The following RB1CC1 variants were observed in gnomAD, a reference collection of about 807,000 sequenced individuals.
The protein encoded by RB1CC1 is RB1-inducible coiled-coil protein 1.
A neutral mutation model predicts 177.5 loss-of-function variants in RB1CC1; 46 were observed. The observed-to-expected ratio is 0.26, with a 90% CI of 0.20 to 0.33. The LOEUF (loss-of-function observed/expected upper bound fraction) is 0.33, where lower values mean the gene tolerates loss of function less well. RB1CC1 is among the 10% of genes least tolerant of loss of function. The pLI is 1.00. For synonymous variants in RB1CC1, 666 were observed against 613.6 expected (o/e 1.09, Z -1.26); for missense variants, 1,703 against 1,816.3 (o/e 0.94, Z 1.13).
At chr8:52,667,486 T>A (rs1852167010) in intron 8 of RB1CC1, among the ~76,000 whole-genome samples, 1 of 152,134 alleles carries the variant, frequency 6.6e-6, no homozygotes, top group African/African-American at 2.4e-5. Flanking sequence ...GGACAGGCAA[T>A]CATGAATTTA....
At chr8:52,659,728 T>A (rs1381191148) in intron 12 of RB1CC1, among the ~76,000 whole-genome samples, 1 of 152,238 alleles carries the variant, frequency 6.6e-6, no homozygotes, top group Non-Finnish European at 1.5e-5. Flanking sequence ...CTGGGCGTGG[T>A]GGCTCACGCC....
rs192698473 is a variant in RB1CC1, at chr8:52,708,084, T to C, written c.-167+5991A>G. On this transcript the variant is annotated intron_variant, in intron 1 of 23. Coordinates refer to ENST00000025008, the MANE Select transcript of RB1CC1 (RefSeq NM_014781.5). ...TAATTAAACTCCAGCACTCAAGAAC[T>C]TCATAATTAACCCCAGTTTATTTTT... 2.3e-4 allele frequency among the ~76,000 whole-genome samples: 35 copies of C among 152,300 alleles called. No individual in the cohort carries two copies. In the East Asian group the frequency reaches 6.2e-3, roughly 27 times the overall value.
At chr8:52,635,806 A>G (rs970783525) in intron 19 of RB1CC1, among the ~76,000 whole-genome samples, 3 of 152,106 alleles carry the variant, frequency 2.0e-5, no homozygotes, top group African/African-American at 4.8e-5. Context: ...ATTACAACAA[A>G]TGGGAGGGCT....
chr8:52,658,843 A>C lies in RB1CC1; in HGVS notation c.1793+30T>G, dbSNP rs748156630. 4 of 1,450,578 alleles carry C rather than the reference A, an allele frequency of 2.8e-6. No homozygotes were observed. The Admixed American group carries it at 8.2e-5, about 30-fold the overall frequency. The allele number at this position is 1,450,578 out of a possible 1,614,324, so 89.9% of individuals were successfully genotyped here. A position where few individuals can be genotyped will look rare whatever the true frequency, so the allele number is the denominator to read the frequency against. ...AATAATAAAAACATTTTAAGGTTAT[A>C]AATTAACTGAAAATACTAATGACAT... On this transcript the variant is annotated intron_variant, in intron 13 of 23. Transcript: ENST00000025008.
chr8:52,637,158 A>G (rs759661750), intron 18 of RB1CC1, among the ~76,000 whole-genome samples: 11 of 152,150 alleles, frequency 7.2e-5, no homozygotes, highest in Non-Finnish European at 1.0e-4. Context: ...TGGCAGACCA[A>G]TTTGGGGAGG....
chr8:52,662,675 TTC>T (rs913876395), intron 8 of RB1CC1, among the ~76,000 whole-genome samples: 10 of 152,084 alleles, frequency 6.6e-5, no homozygotes, highest in African/African-American at 2.2e-4. Flanking sequence ...TTTCTGGTAG[TTC>T]TCTGTTTCAT....
intron 1 of RB1CC1, among the ~76,000 whole-genome samples, chr8:52,706,545 A>C (rs1248825408): frequency 6.6e-6 from 1 of 151,504 alleles, no homozygotes; most frequent in Non-Finnish European, 1.5e-5. Context: ...ATCCTGGCTA[A>C]CACAGTGAAA....
intron 16 of RB1CC1, chr8:52,643,214 CCTTATTTCT>C (rs1347586035): frequency 1.3e-5 from 2 of 156,118 alleles, no homozygotes; most frequent in African/African-American, 4.8e-5. Flanking sequence ...ACTCTATCTT[CCTTATTTCT>C]CTTATTTGGA....
chr8:52,709,070 G>A (rs1856837206), intron 1 of RB1CC1, among the ~76,000 whole-genome samples: 1 of 152,060 alleles, frequency 6.6e-6, no homozygotes, highest in Non-Finnish European at 1.5e-5. Context: ...ATCTGAGTGT[G>A]GTAGCACATG....
chr8:52,677,343 C>T (rs1248692537), intron 5 of RB1CC1, among the ~76,000 whole-genome samples: 2 of 152,018 alleles, frequency 1.3e-5, no homozygotes, highest in Non-Finnish European at 2.9e-5. Flanking sequence ...AGAAGTACTT[C>T]AAAAGAGTGG....
chr8:52,642,573 G>C lies in RB1CC1; in HGVS notation c.4115C>G (p.Ser1372Cys), dbSNP rs889627101. ...ERDKDLIESL[S>C]EDRARLLEEK... ...CTCAAGCAAACGAGCTCGATCTTCAGAAAGTGACTCTATCAAATCTGAAGG... is the reference window on the plus strand; with the variant it reads ...CTCAAGCAAACGAGCTCGATCTTCACAAAGTGACTCTATCAAATCTGAAGG... The change falls in exon 18 of 24, where the codon TCT (serine) becomes TGT (cysteine). Residue 1372 changes from serine to cysteine, a missense_variant. By Grantham distance (112) the Ser-to-Cys change is moderately radical. Transcript: ENST00000025008. The C allele has an allele frequency of 3.1e-6, 5 of 1,613,782 alleles. No individual in the cohort carries two copies. Among genetic ancestry groups the C allele is most frequent in the Non-Finnish European group, 3.4e-6 (4 of 1,179,942 alleles).
At chr8:52,645,962 C>T in intron 15 of RB1CC1, 95 bp from the exon 16 acceptor site, 4 of 1,192,086 alleles carry the variant, frequency 3.4e-6, no homozygotes, top group African/African-American at 1.6e-5. Context: ...TCCTTAAGCT[C>T]AATAATGTAG....
intron 16 of RB1CC1, among the ~76,000 whole-genome samples, chr8:52,645,242 T>C (rs1180958124): frequency 6.6e-6 from 1 of 152,226 alleles, no homozygotes; most frequent in African/African-American, 2.4e-5. Flanking sequence ...GTAAGATATT[T>C]ATGTTGATCT....
In RB1CC1 at chr8:52,622,839, ATCAC is replaced by A. The variant is rs891897234; in HGVS notation, c.*939_*942del. 1.7e-4 allele frequency: 26 copies of A among 152,200 alleles called. No individual in the cohort carries two copies. Among genetic ancestry groups the A allele is most frequent in the African/African-American group, 5.8e-4 (24 of 41,534 alleles). 9.4% of individuals were successfully genotyped at this position (152,200 alleles called of 1,614,324 possible). A position where few individuals can be genotyped will look rare whatever the true frequency, so the allele number is the denominator to read the frequency against. On this transcript the variant is annotated 3_prime_UTR_variant, in exon 24 of 24. Transcript: ENST00000025008. ...AACAATATTTTCACACTTCCCAGCA[ATCAC>A]TCAAATATATTAAAAATGTATCCTT...
chr8:52,690,153 A>G (rs974011905), intron 1 of RB1CC1, among the ~76,000 whole-genome samples: 2 of 152,238 alleles, frequency 1.3e-5, no homozygotes, highest in Middle Eastern at 3.2e-3. Context: ...AGATGACTGT[A>G]TTAAATAAAG....
intron 15 of RB1CC1, among the ~76,000 whole-genome samples, chr8:52,655,525 G>A (rs1186930137): frequency 6.6e-6 from 1 of 151,844 alleles, no homozygotes; most frequent in African/African-American, 2.4e-5. Flanking sequence ...CAAGCACAGA[G>A]GAAATAACTG....
chr8:52,671,315 CA>C (rs1852573649), intron 7 of RB1CC1, among the ~76,000 whole-genome samples: 1 of 152,048 alleles, frequency 6.6e-6, no homozygotes, highest in African/African-American at 2.4e-5. Flanking sequence ...AATTAATCTG[CA>C]AAAACGATAG....
chr8:52,661,435 T>C, intron 9 of RB1CC1, 100 bp downstream of exon 9: 1 of 1,450,804 alleles, frequency 6.9e-7, no homozygotes, highest in Non-Finnish European at 9.3e-7. Context: ...AATAAGGTAT[T>C]TCAATAAAAT....
chr8:52,648,727 T>G (rs1850284143), intron 15 of RB1CC1, among the ~76,000 whole-genome samples: 3 of 152,296 alleles, frequency 2.0e-5, no homozygotes, highest in African/African-American at 7.2e-5. Flanking sequence ...AGAGAATGAA[T>G]GGGCTCCTCC....
Sources: gnomAD v4.1 joint callset for allele counts (sites outside exome capture counted in the v4.1 genomes callset) on GRCh38, gnomAD v4.1.1 for gene constraint, MANE v1.5 for transcripts, NCBI Gene and HGNC (gene_info 2026-07-23, HGNC 2026-07-21) for gene names.